Variants in ANKMY1 observed in about 807,000 individuals in gnomAD.
ANKMY1 encodes ankyrin repeat and MYND domain-containing protein 1.
ANKMY1 carries 98 observed loss-of-function variants against 102.0 expected under a neutral mutation model. The observed-to-expected ratio is 0.96, with a 90% CI of 0.82 to 1.14. ANKMY1 has a LOEUF of 1.14. Among genes scored for constraint, ANKMY1 ranks in the 50% most tolerant of loss-of-function variants. The pLI is 0.00. For missense variants in ANKMY1, 1,330 were observed against 1,347.6 expected (o/e 0.99, Z 0.20); for synonymous variants, 582 against 559.9 (o/e 1.04, Z -0.56).
chr2:240,556,798 G>A (rs1481453225), intron 2 of ANKMY1, among the ~76,000 whole-genome samples: 1 of 152,164 alleles, frequency 6.6e-6, no homozygotes, highest in Admixed American at 6.5e-5. Context: ...CCCACAAACA[G>A]GGACAAGCAC....
the ANKMY1 span, among the ~76,000 whole-genome samples, chr2:240,470,407 G>T: frequency 6.6e-6 from 1 of 152,230 alleles, no homozygotes; most frequent in African/African-American, 2.4e-5. Context: ...ACAGACGCCA[G>T]GGCTGTGGAT....
chr2:240,528,304 A>C (rs1025004214), intron 5 of ANKMY1, among the ~76,000 whole-genome samples: 125 of 17,898 alleles, frequency 7.0e-3, no homozygotes, highest in East Asian at 0.018. Context: ...CCCCCCCCCC[A>C]AAAAAATTAA....
At chr2:240,517,509 T>C (rs2081393326) in intron 9 of ANKMY1, among the ~76,000 whole-genome samples, 1 of 152,174 alleles carries the variant, frequency 6.6e-6, no homozygotes, top group South Asian at 2.1e-4. Flanking sequence ...TAGGATAGCC[T>C]GTATAGGCAA....
chr2:240,530,553 T>C (rs921644589), intron 4 of ANKMY1, among the ~76,000 whole-genome samples: 2 of 152,240 alleles, frequency 1.3e-5, no homozygotes, highest in African/African-American at 4.8e-5. Context: ...GTCCCAGCCA[T>C]GCTTCCTGTA....
Position 240,525,833 on chromosome 2 carries a change from T to G in ANKMY1, c.1187A>C (p.Asp396Ala). The change falls in exon 7 of 18, where the codon GAC becomes GCC. Residue 396 changes from aspartate to alanine, a missense_variant. By Grantham distance (126) the Asp-to-Ala change is moderately radical. Transcript: ENST00000401804. The stretch of plus-strand genomic sequence containing the variant: ...ACAGTCCAGGAGAAGGTTGACAATG[T>G]CGTTGTGGCAGTGAGTCTGGAGGGA... ...LAAAATHCHN[D>A]IVNLLLDCGA... 2 of 1,613,976 alleles carry G rather than the reference T, an allele frequency of 1.2e-6. No individual in the cohort carries two copies. The highest frequency in any genetic ancestry group is 1.7e-6 in the Non-Finnish European group (2 of 1,179,966).
At chr2:240,469,829 T>C in the ANKMY1 span, among the ~76,000 whole-genome samples, 4 of 144,552 alleles carry the variant, frequency 2.8e-5, no homozygotes, top group African/African-American at 7.8e-5. Flanking sequence ...TGCACACACA[T>C]AGGTATGAAC....
At chr2:240,486,320 C>A (rs2076053199) in intron 15 of ANKMY1, among the ~76,000 whole-genome samples, 1 of 152,142 alleles carries the variant, frequency 6.6e-6, no homozygotes, top group Admixed American at 6.5e-5. Context: ...TGCACACACA[C>A]ACATAATATA....
At chr2:240,539,471 C>A (rs1332378933) in intron 4 of ANKMY1, among the ~76,000 whole-genome samples, 1 of 152,156 alleles carries the variant, frequency 6.6e-6, no homozygotes, top group Non-Finnish European at 1.5e-5. Flanking sequence ...GGAACAAACT[C>A]CCGACACACC....
At chr2:240,537,185 C>G (rs1163990964) in intron 4 of ANKMY1, among the ~76,000 whole-genome samples, 1 of 152,210 alleles carries the variant, frequency 6.6e-6, no homozygotes, top group Non-Finnish European at 1.5e-5. Context: ...GGCCCCCACC[C>G]TCACCTGCAG....
chr2:240,556,631 T>C (rs1239867398), intron 2 of ANKMY1, among the ~76,000 whole-genome samples: 1 of 152,164 alleles, frequency 6.6e-6, no homozygotes, highest in Non-Finnish European at 1.5e-5. Flanking sequence ...GCAGCCTCCA[T>C]TTTGCAACTG....
chr2:240,549,868 A>G (rs2091184337), intron 4 of ANKMY1, among the ~76,000 whole-genome samples: 2 of 152,128 alleles, frequency 1.3e-5, no homozygotes, highest in East Asian at 3.9e-4. Context: ...AGGAAACAAC[A>G]GGTGCTGGAG....
intron 4 of ANKMY1, among the ~76,000 whole-genome samples, chr2:240,539,414 T>C (rs924554680): frequency 6.6e-6 from 1 of 152,122 alleles, no homozygotes; most frequent in Non-Finnish European, 1.5e-5. Context: ...AGCGAGACCA[T>C]GAACCCGCCA....
chr2:240,519,113 G>T (rs190656005), intron 9 of ANKMY1, among the ~76,000 whole-genome samples: 225 of 152,356 alleles, frequency 1.5e-3, no homozygotes, highest in African/African-American at 5.0e-3. Flanking sequence ...CAAGTGGACA[G>T]AAGCCCATCA....
At chr2:240,486,696 T>C (rs1450167924) in intron 15 of ANKMY1, among the ~76,000 whole-genome samples, 1 of 152,228 alleles carries the variant, frequency 6.6e-6, no homozygotes, top group Non-Finnish European at 1.5e-5. Context: ...TTTCTTTAAA[T>C]AGAGACTGGG....
At chr2:240,469,209 A>G in the ANKMY1 span, among the ~76,000 whole-genome samples, 9 of 152,170 alleles carry the variant, frequency 5.9e-5, no homozygotes, top group African/African-American at 2.2e-4. Context: ...ACCTGGGCAA[A>G]TGCATCTTTC....
In ANKMY1 at chr2:240,509,434, G is replaced by T; in HGVS notation, c.2308C>A (p.Leu770Ile). Reference protein sequence around the residue: ...DNKCARDIVRLLLSHGANPNL... With the variant: ...DNKCARDIVRILLSHGANPNL... ...GGATTTGCTCCGTGGGATAGAAGGAGCCGGACTATGTCCCTGGCACACTGG... is the reference window on the plus strand; with the variant it reads ...GGATTTGCTCCGTGGGATAGAAGGATCCGGACTATGTCCCTGGCACACTGG... Residue 770 changes from leucine to isoleucine, a missense_variant, in exon 12 of 18, where the codon CTC becomes ATC. Transcript: ENST00000401804. 1 of 1,613,242 alleles carries T rather than the reference G, an allele frequency of 6.2e-7. No individual in the cohort carries two copies. The highest frequency in any genetic ancestry group is 8.5e-7 in the Non-Finnish European group (1 of 1,179,610).
chr2:240,491,994 G>A (rs1574916813), intron 15 of ANKMY1, among the ~76,000 whole-genome samples: 2 of 150,574 alleles, frequency 1.3e-5, no homozygotes, highest in African/African-American at 4.9e-5. Context: ...CATTAAATTA[G>A]TTTTCTTTTA....
chr2:240,561,004 G>T (rs1198523208), upstream of ANKMY1: 4 of 1,537,230 alleles, frequency 2.6e-6, no homozygotes, highest in Non-Finnish European at 3.5e-6. Context: ...AAGAACGGCC[G>T]CAGCCGCTCG....
chr2:240,532,879 T>G (rs1296685116), intron 4 of ANKMY1, among the ~76,000 whole-genome samples: 1 of 152,222 alleles, frequency 6.6e-6, no homozygotes, highest in African/African-American at 2.4e-5. Context: ...TAATTTTTCT[T>G]ATTTTTATTT....
Sources: gnomAD v4.1 joint callset for allele counts (sites outside exome capture counted in the v4.1 genomes callset) on GRCh38, gnomAD v4.1.1 for gene constraint, MANE v1.5 for transcripts, NCBI Gene and HGNC (gene_info 2026-07-23, HGNC 2026-07-21) for gene names.